Variants in HPSE2 observed in about 807,000 individuals in gnomAD.
The protein encoded by HPSE2 is heparanase 2 (inactive), also known as inactive heparanase-2.
Under a neutral mutation model 60.5 loss-of-function variants are expected in HPSE2, and 38 were observed. That is an observed-to-expected ratio of 0.63 (90% CI 0.48 to 0.82). The LOEUF is 0.82. Among genes scored for constraint, HPSE2 ranks in the 40% least tolerant of loss-of-function variants. HPSE2 has a pLI of 0.00. For synonymous variants in HPSE2, 295 were observed against 293.2 expected (o/e 1.01, Z -0.06); for missense variants, 713 against 740.4 (o/e 0.96, Z 0.43).
At chr10:98,571,296 G>C (rs563628288) in intron 9 of HPSE2, among the ~76,000 whole-genome samples, 1 of 152,138 alleles carries the variant, frequency 6.6e-6, no homozygotes, top group East Asian at 1.9e-4. Context: ...TTGAGGTCAG[G>C]AGTTTAAGAC....
At chr10:99,306,451 C>T in the HPSE2 span, among the ~76,000 whole-genome samples, 1 of 151,884 alleles carries the variant, frequency 6.6e-6, no homozygotes, top group African/African-American at 2.4e-5. Context: ...CCTCCTTGCT[C>T]TCTCAAGCCA....
In HPSE2 at chr10:98,936,094, G is replaced by A. The variant is rs552034420; in HGVS notation, c.611-192038C>T. Among the ~76,000 whole-genome samples the A allele has an allele frequency of 2.6e-4, 37 of 144,624 alleles. 2 individuals carry two copies. Among genetic ancestry groups the A allele is most frequent in the Non-Finnish European group, 4.6e-4 (31 of 67,226 alleles). 94.9% of individuals were successfully genotyped at this position (144,624 alleles called of 152,430 possible). On this transcript the variant is annotated intron_variant, in intron 3 of 11. Coordinates refer to ENST00000370552, the MANE Select transcript of HPSE2 (RefSeq NM_021828.5). ...CAGTCCAAACCTCCCAGTCTCCTTA[G>A]CCCTCTCAGGGGAAAACTGCCTACT...
chr10:99,124,213 C>T (rs1329203600), intron 3 of HPSE2, among the ~76,000 whole-genome samples: 2 of 152,176 alleles, frequency 1.3e-5, no homozygotes, highest in African/African-American at 4.8e-5. Context: ...CTGAGTCTGA[C>T]TGAGTCCAGG....
At chr10:98,601,556 G>A (rs1184310075) in intron 9 of HPSE2, among the ~76,000 whole-genome samples, 1 of 152,180 alleles carries the variant, frequency 6.6e-6, no homozygotes, top group Non-Finnish European at 1.5e-5. Context: ...CAGACTGCAA[G>A]ACTTATGTCT....
the HPSE2 span, among the ~76,000 whole-genome samples, chr10:99,278,961 C>G: frequency 1.3e-5 from 2 of 152,138 alleles, no homozygotes; most frequent in East Asian, 3.9e-4. Context: ...CAAGTATTTC[C>G]CTTTCAAAAA....
intron 4 of HPSE2, among the ~76,000 whole-genome samples, chr10:98,740,973 A>G (rs1051703391): frequency 6.6e-6 from 1 of 152,182 alleles, no homozygotes; most frequent in African/African-American, 2.4e-5. Context: ...TACAAGAAAA[A>G]CTATCAGTAG....
intron 3 of HPSE2, among the ~76,000 whole-genome samples, chr10:99,074,267 C>T (rs1018428593): frequency 2.0e-5 from 3 of 151,872 alleles, no homozygotes; most frequent in South Asian, 2.1e-4. Context: ...ATCATAAAAG[C>T]GTGTTGAATT....
At chr10:98,726,716 T>C (rs868672828) in intron 4 of HPSE2, among the ~76,000 whole-genome samples, 2 of 151,540 alleles carry the variant, frequency 1.3e-5, no homozygotes, top group Non-Finnish European at 2.9e-5. Context: ...ACAGTGAACC[T>C]TGACAATCTC....
intron 3 of HPSE2, among the ~76,000 whole-genome samples, chr10:98,884,295 G>A (rs1302333591): frequency 6.6e-6 from 1 of 152,168 alleles, no homozygotes; most frequent in Non-Finnish European, 1.5e-5. Flanking sequence ...TGTAGAAGCT[G>A]TACCAAGTTC....
At chr10:99,111,848 C>T (rs1050664620) in intron 3 of HPSE2, among the ~76,000 whole-genome samples, 6 of 152,194 alleles carry the variant, frequency 3.9e-5, no homozygotes, top group Non-Finnish European at 7.4e-5. Flanking sequence ...CCTAGGCCAA[C>T]TCAGACTCCT....
intron 3 of HPSE2, among the ~76,000 whole-genome samples, chr10:98,858,094 T>C (rs1952361404): frequency 6.6e-6 from 1 of 152,196 alleles, no homozygotes; most frequent in Non-Finnish European, 1.5e-5. Flanking sequence ...CTTCCTATCT[T>C]ATAGAGAAGC....
At chr10:99,294,398 A>G in the HPSE2 span, among the ~76,000 whole-genome samples, 1 of 146,874 alleles carries the variant, frequency 6.8e-6, no homozygotes, top group African/African-American at 2.5e-5. Context: ...AATATATAAT[A>G]TATAAATATA....
chr10:99,187,385 T>C (rs766975038), intron 2 of HPSE2, among the ~76,000 whole-genome samples: 2 of 152,176 alleles, frequency 1.3e-5, no homozygotes, highest in African/African-American at 2.4e-5. Flanking sequence ...ACAAATTACT[T>C]TTTAAATTAT....
intron 5 of HPSE2, among the ~76,000 whole-genome samples, chr10:98,702,377 C>G (rs1186820802): frequency 1.3e-5 from 2 of 152,056 alleles, no homozygotes; most frequent in Non-Finnish European, 2.9e-5. Flanking sequence ...CTTTAACACC[C>G]CACTGTCAAT....
intron 2 of HPSE2, among the ~76,000 whole-genome samples, chr10:99,171,086 C>A (rs1183015202): frequency 6.6e-6 from 1 of 152,060 alleles, no homozygotes; most frequent in Non-Finnish European, 1.5e-5. Flanking sequence ...GCAACCAATC[C>A]CCCACAAATA....
chr10:98,982,360 T>A (rs552352123), intron 3 of HPSE2, among the ~76,000 whole-genome samples: 1 of 152,134 alleles, frequency 6.6e-6, no homozygotes, highest in Non-Finnish European at 1.5e-5. Flanking sequence ...ATAAAACAGA[T>A]GGAAGATCTA....
intron 9 of HPSE2, among the ~76,000 whole-genome samples, chr10:98,505,134 T>C (rs530081476): frequency 4.1e-4 from 62 of 152,354 alleles, no homozygotes; most frequent in Admixed American, 7.8e-4. Flanking sequence ...TTTGCTATTA[T>C]AAGCAATGTG....
chr10:98,873,604 C>T (rs77783324), intron 3 of HPSE2, among the ~76,000 whole-genome samples: 1 of 152,002 alleles, frequency 6.6e-6, no homozygotes, highest in African/African-American at 2.4e-5. Flanking sequence ...TTTTCTTTAT[C>T]CAGTCTGTCA....
intron 3 of HPSE2, among the ~76,000 whole-genome samples, chr10:98,750,716 A>G (rs1209445966): frequency 6.6e-6 from 1 of 152,184 alleles, no homozygotes; most frequent in East Asian, 1.9e-4. Context: ...TAAACTTGAT[A>G]TTTATGAAGG....
Sources: allele counts gnomAD v4.1 joint callset (sites outside exome capture counted in the v4.1 genomes callset), GRCh38; gene constraint gnomAD v4.1.1; transcripts MANE v1.5; gene names NCBI Gene and HGNC (gene_info 2026-07-23, HGNC 2026-07-21).